GNPTAB: variants seen among roughly 807,000 people sequenced by gnomAD.
The protein encoded by GNPTAB is N-acetylglucosamine-1-phosphotransferase subunits alpha/beta.
A neutral mutation model predicts 136.6 loss-of-function variants in GNPTAB; 92 were observed. The observed-to-expected ratio is 0.67, with a 90% CI of 0.57 to 0.80. The LOEUF is 0.80. Among genes scored for constraint, GNPTAB ranks in the 30% least tolerant of loss-of-function variants. The pLI, the probability that GNPTAB is intolerant of heterozygous loss-of-function variation, is 0.00. For synonymous variants in GNPTAB, 512 were observed against 535.1 expected, an observed-to-expected ratio of 0.96 and a Z score of 0.60; for missense variants, 1,343 against 1,501.8, an observed-to-expected ratio of 0.89 and a Z score of 1.75.
intron 1 of GNPTAB, among the ~76,000 whole-genome samples, chr12:101,802,223 GAAAAGAAA>G (rs1869681745): frequency 1.4e-5 from 2 of 143,086 alleles, no homozygotes; most frequent in African/African-American, 2.6e-5. Context: ...AAAAAGAAAA[GAAAAGAAA>G]AAAAGAAAAA....
At chr12:101,787,596 T>C (rs1437326093) in intron 4 of GNPTAB, among the ~76,000 whole-genome samples, 1 of 152,156 alleles carries the variant, frequency 6.6e-6, no homozygotes. Flanking sequence ...TAAAGCTATA[T>C]AATTAACATA....
In GNPTAB at chr12:101,786,079, G is replaced by T. The variant is rs1278644752; in HGVS notation, c.504C>A (p.Phe168Leu). ...YPSFHSASDIFNVAKPKNPST... is the reference protein window; with the variant it reads ...YPSFHSASDILNVAKPKNPST... ...AAGGGTTTTTTGGTTTTGCAACATT[G>T]AAAATGTCACTGGCAGAATGAAAAG... Residue 168 changes from phenylalanine to leucine, a missense_variant, in exon 5 of 21, where the codon TTC becomes TTA. Coordinates refer to ENST00000299314, the MANE Select transcript of GNPTAB (RefSeq NM_024312.5). 6.2e-7 allele frequency: 1 copy of T among 1,614,034 alleles called. No individual in the cohort carries two copies. The highest frequency in any genetic ancestry group is 8.5e-7 in the Non-Finnish European group (1 of 1,179,958).
intron 1 of GNPTAB, among the ~76,000 whole-genome samples, chr12:101,816,448 T>C (rs951466147): frequency 2.0e-5 from 3 of 152,204 alleles, no homozygotes; most frequent in African/African-American, 7.2e-5. Context: ...TATTTAAAAA[T>C]GCTCAACATT....
chr12:101,795,150 C>A (rs1444618481), intron 2 of GNPTAB, among the ~76,000 whole-genome samples: 1 of 152,112 alleles, frequency 6.6e-6, no homozygotes, highest in Non-Finnish European at 1.5e-5. Context: ...ACAGTGGGGG[C>A]ACCAGACCAG....
chr12:101,791,486 CAA>C (rs60094287), intron 2 of GNPTAB, among the ~76,000 whole-genome samples: 18 of 132,484 alleles, frequency 1.4e-4, no homozygotes, highest in African/African-American at 2.5e-4. Flanking sequence ...ATAAACCACG[CAA>C]AAAAAAAAAA....
chr12:101,773,555 A>C (rs1185245753), intron 7 of GNPTAB: 1 of 161,740 alleles, frequency 6.2e-6, no homozygotes, highest in Non-Finnish European at 1.4e-5. Context: ...TTTGATAAGA[A>C]GGTATATCAC....
intron 1 of GNPTAB, chr12:101,810,464 C>CAT (rs1275433002): frequency 2.1e-5 from 3 of 142,650 alleles, no homozygotes; most frequent in Admixed American, 6.9e-5. Flanking sequence ...CACACACACA[C>CAT]ACACATATAT....
At chr12:101,811,202 C>T (rs185284145) in intron 1 of GNPTAB, among the ~76,000 whole-genome samples, 28 of 152,170 alleles carry the variant, frequency 1.8e-4, no homozygotes, top group African/African-American at 6.3e-4. Context: ...AATCTTTCTC[C>T]GTAAAAGACG....
intron 18 of GNPTAB, among the ~76,000 whole-genome samples, chr12:101,755,311 T>C (rs975176936): frequency 1.3e-5 from 2 of 152,188 alleles, no homozygotes; most frequent in African/African-American, 4.8e-5. Context: ...TAGCCTACAC[T>C]TCTGAAGAAG....
At chr12:101,749,906 C>A (rs1326182822) in intron 19 of GNPTAB, among the ~76,000 whole-genome samples, 2 of 152,146 alleles carry the variant, frequency 1.3e-5, no homozygotes, top group Non-Finnish European at 2.9e-5. Context: ...GGGGTCTGGA[C>A]AGAACACTCT....
In GNPTAB at chr12:101,770,989, C is replaced by A. The variant is rs757302795; in HGVS notation, c.933+7G>T. ...TTGGGCTGTAAAAGCTTCTGTGCATCCCTTACCTGGCTGATGGCGCTCAGA... is the reference window on the plus strand; with the variant it reads ...TTGGGCTGTAAAAGCTTCTGTGCATACCTTACCTGGCTGATGGCGCTCAGA... On this transcript the variant is annotated splice_region_variant and intron_variant, in intron 8 of 20. Coordinates refer to ENST00000299314, the MANE Select transcript of GNPTAB (RefSeq NM_024312.5). The A allele has an allele frequency of 1.8e-4, 294 of 1,613,658 alleles. No homozygotes were observed. Among genetic ancestry groups the A allele is most frequent in the Non-Finnish European group, 2.4e-4 (284 of 1,179,702 alleles).
At chr12:101,825,195 A>G (rs1871026276) in intron 1 of GNPTAB, among the ~76,000 whole-genome samples, 1 of 152,216 alleles carries the variant, frequency 6.6e-6, no homozygotes, top group Admixed American at 6.5e-5. Flanking sequence ...CCTCATCTCA[A>G]CTAAACAATA....
At chr12:101,792,130 G>A (rs896436685) in intron 2 of GNPTAB, among the ~76,000 whole-genome samples, 2 of 152,178 alleles carry the variant, frequency 1.3e-5, no homozygotes, top group African/African-American at 4.8e-5. Context: ...ATCAGAGATG[G>A]CCTCAGTAAG....
In GNPTAB at chr12:101,820,738, G is replaced by T. The variant is rs11111043; in HGVS notation, c.117+9821C>A. Among the ~76,000 whole-genome samples the T allele has an allele frequency of 0.022, 3,395 of 152,174 alleles. 341 individuals carry two copies. The East Asian group carries it at 0.31, about 14-fold the overall frequency. On this transcript the variant is annotated intron_variant, in intron 1 of 20. Coordinates refer to ENST00000299314, the MANE Select transcript of GNPTAB (RefSeq NM_024312.5). ...GCCTCAGCAATTCTTACCCTCTACG[G>T]TTGAACTCAAACAGCATCAAGCAAG...
Position 101,764,630 on chromosome 12 carries a change from C to G in GNPTAB, c.2287G>C (p.Val763Leu). Residue 763 changes from valine to leucine, a missense_variant, in exon 13 of 21, where the codon GTG becomes CTG. Val to Leu is a conservative substitution (Grantham distance 32, BLOSUM62 1). Coordinates refer to ENST00000299314, the MANE Select transcript of GNPTAB (RefSeq NM_024312.5). ...IITDETNDSLVAPQEKQVHKS... is the reference protein window; with the variant it reads ...IITDETNDSLLAPQEKQVHKS... The stretch of plus-strand genomic sequence containing the variant: ...TGAACCTGTTTTTCCTGTGGAGCCA[C>G]CAAACTGTCATTTGTTTCATCTGTT... The G allele has an allele frequency of 6.2e-7, 1 of 1,614,030 alleles. No homozygotes were observed. Among genetic ancestry groups the G allele is most frequent in the Non-Finnish European group, 8.5e-7 (1 of 1,179,998 alleles).
chr12:101,766,958 C>G (rs138364350), intron 11 of GNPTAB, among the ~76,000 whole-genome samples: 1 of 152,166 alleles, frequency 6.6e-6, no homozygotes, highest in Non-Finnish European at 1.5e-5. Context: ...CATGTCCAAA[C>G]GTGGGTAACA....
intron 2 of GNPTAB, among the ~76,000 whole-genome samples, chr12:101,791,459 CCAAAAAAAAAAAAATAATAAACCACG>C (rs1386264373): frequency 7.3e-6 from 1 of 136,086 alleles, no homozygotes; most frequent in Non-Finnish European, 1.5e-5. Flanking sequence ...AGTTGATGAG[CCAAAAAAAAAAAAATAATAAACCACG>C]CAAAAAAAAA....
At chr12:101,797,429 A>G (rs1869361153) in intron 1 of GNPTAB, among the ~76,000 whole-genome samples, 1 of 152,188 alleles carries the variant, frequency 6.6e-6, no homozygotes, top group Non-Finnish European at 1.5e-5. Flanking sequence ...GTTCGAGACC[A>G]GCCTGGGCAA....
chr12:101,752,394 C>T (rs1048600210), intron 19 of GNPTAB, among the ~76,000 whole-genome samples: 1 of 152,212 alleles, frequency 6.6e-6, no homozygotes, highest in Non-Finnish European at 1.5e-5. Context: ...CACTGCACTC[C>T]AGCCTGGGTG....
Sources: gnomAD v4.1 joint callset for allele counts (sites outside exome capture counted in the v4.1 genomes callset) on GRCh38, gnomAD v4.1.1 for gene constraint, MANE v1.5 for transcripts, NCBI Gene and HGNC (gene_info 2026-07-23, HGNC 2026-07-21) for gene names.